Variants in WWOX observed in about 807,000 individuals in gnomAD.
WWOX encodes the protein WW domain containing oxidoreductase.
WWOX carries 69 observed loss-of-function variants against 46.2 expected under a neutral mutation model. The observed-to-expected ratio is 1.49, with a 90% CI of 1.23 to 1.82. WWOX has a LOEUF of 1.82. Ranked by LOEUF, WWOX falls within the 40% of genes most tolerant of loss-of-function variation. The pLI is 0.00. For missense variants in WWOX, 919 were observed against 542.6 expected, an observed-to-expected ratio of 1.69 and a Z score of -6.89; for synonymous variants, 359 against 202.6, an observed-to-expected ratio of 1.77 and a Z score of -6.56.
intron 8 of WWOX, among the ~76,000 whole-genome samples, chr16:78,836,104 T>A (rs2051976085): frequency 6.6e-6 from 1 of 152,200 alleles, no homozygotes; most frequent in South Asian, 2.1e-4. Context: ...TATGCACACA[T>A]GAGAATTTAG....
At chr16:78,669,387 G>A (rs928107100) in intron 8 of WWOX, among the ~76,000 whole-genome samples, 1 of 152,244 alleles carries the variant, frequency 6.6e-6, no homozygotes, top group African/African-American at 2.4e-5. Flanking sequence ...GGATCCAGGG[G>A]CAGCATTGCT....
At chr16:78,642,723 T>A (rs1190676902) in intron 8 of WWOX, among the ~76,000 whole-genome samples, 2 of 152,176 alleles carry the variant, frequency 1.3e-5, no homozygotes, top group Non-Finnish European at 2.9e-5. Flanking sequence ...TTGCTTCTGC[T>A]GAGGCTGTGT....
At chr16:79,136,401 T>A (rs2049982519) in intron 8 of WWOX, among the ~76,000 whole-genome samples, 1 of 152,098 alleles carries the variant, frequency 6.6e-6, no homozygotes, top group African/African-American at 2.4e-5. Flanking sequence ...CAGCTAATTT[T>A]TGTATTTTTA....
At chr16:78,676,657 T>G (rs1381422473) in intron 8 of WWOX, among the ~76,000 whole-genome samples, 1 of 152,190 alleles carries the variant, frequency 6.6e-6, no homozygotes, top group African/African-American at 2.4e-5. Context: ...ATTTGCATAT[T>G]AAACAGCTGA....
rs531462229 is a variant in WWOX, at chr16:78,736,504, C to G, written c.1056+303752C>G. On this transcript the variant is annotated intron_variant, in intron 8 of 8. Transcript: ENST00000566780. ...TGGTGTCTCAAAGTCTCACATGTGA[C>G]AACACACATATCATCAAATTCATGA... 1.9e-4 allele frequency among the ~76,000 whole-genome samples: 29 copies of G among 152,310 alleles called. No homozygotes were observed. In the South Asian group the frequency reaches 6.0e-3, roughly 32 times the overall value.
At chr16:78,402,086 C>G (rs1229116133) in intron 6 of WWOX, among the ~76,000 whole-genome samples, 2 of 152,188 alleles carry the variant, frequency 1.3e-5, no homozygotes, top group African/African-American at 4.8e-5. Flanking sequence ...AATTGCAGAA[C>G]AATTTCATCA....
intron 5 of WWOX, among the ~76,000 whole-genome samples, chr16:78,306,654 C>T (rs1567489279): frequency 1.3e-5 from 2 of 151,770 alleles, no homozygotes; most frequent in Non-Finnish European, 2.9e-5. Flanking sequence ...CCACAATTCC[C>T]ACCCCATGCC....
chr16:78,540,020 T>TCACACACA lies in WWOX; in HGVS notation c.1056+107289_1056+107296dup, dbSNP rs71140810. The stretch of plus-strand genomic sequence containing the variant: ...CTTTCTCTCTCTCTCTCTCTCTCTC[T>TCACACACA]CACACACACACACACACACACACAC... On this transcript the variant is annotated intron_variant, in intron 8 of 8. Transcript: ENST00000566780. 2.8e-3 allele frequency among the ~76,000 whole-genome samples: 370 copies of TCACACACA among 132,908 alleles called. 1 individual carries two copies. The highest frequency in any genetic ancestry group is 7.4e-3 in the East Asian group (34 of 4,620). The allele number at this position is 132,908 out of a possible 152,430, so 87.2% of individuals were successfully genotyped here. A position where few individuals can be genotyped will look rare whatever the true frequency, so the allele number is the denominator to read the frequency against.
intron 8 of WWOX, among the ~76,000 whole-genome samples, chr16:78,698,519 T>G (rs985642820): frequency 1.3e-5 from 2 of 152,240 alleles, no homozygotes; most frequent in Non-Finnish European, 2.9e-5. Flanking sequence ...GCAGTCGTTT[T>G]GAGGAGATCT....
chr16:78,747,334 G>A (rs1186463228), intron 8 of WWOX, among the ~76,000 whole-genome samples: 7 of 151,860 alleles, frequency 4.6e-5, no homozygotes, highest in Non-Finnish European at 1.0e-4. Flanking sequence ...TGAGAGTACA[G>A]GCATCTGCGA....
chr16:78,486,824 G>C (rs147157731), intron 8 of WWOX, among the ~76,000 whole-genome samples: 1 of 152,110 alleles, frequency 6.6e-6, no homozygotes, highest in Non-Finnish European at 1.5e-5. Context: ...CACTCGCCTC[G>C]GCCTCCCAAA....
At chr16:79,131,573 A>G (rs1274705674) in intron 8 of WWOX, among the ~76,000 whole-genome samples, 1 of 152,178 alleles carries the variant, frequency 6.6e-6, no homozygotes, top group African/African-American at 2.4e-5. Context: ...CAACTCTTGA[A>G]TGATGGTGTA....
intron 5 of WWOX, among the ~76,000 whole-genome samples, chr16:78,272,119 A>G (rs532744863): frequency 6.6e-5 from 10 of 152,258 alleles, no homozygotes; most frequent in African/African-American, 2.4e-4. Flanking sequence ...AACAACAACC[A>G]TTTTGTTTTA....
At chr16:78,276,411 C>G (rs898590154) in intron 5 of WWOX, among the ~76,000 whole-genome samples, 2 of 152,198 alleles carry the variant, frequency 1.3e-5, no homozygotes, top group African/African-American at 2.4e-5. Flanking sequence ...GCGACACATA[C>G]AATTTAATCA....
chr16:78,128,629 C>T (rs186010737), intron 4 of WWOX, among the ~76,000 whole-genome samples: 9 of 152,264 alleles, frequency 5.9e-5, no homozygotes, highest in African/African-American at 2.2e-4. Context: ...GAATTGCTGG[C>T]CACATCTTGA....
intron 8 of WWOX, among the ~76,000 whole-genome samples, chr16:78,524,449 C>T (rs1289510480): frequency 6.6e-6 from 1 of 151,798 alleles, no homozygotes; most frequent in Non-Finnish European, 1.5e-5. Context: ...TGAGATGAGT[C>T]TTGCTCTTTT....
chr16:78,135,519 C>G (rs919298272), intron 4 of WWOX, among the ~76,000 whole-genome samples: 6 of 152,118 alleles, frequency 3.9e-5, no homozygotes, highest in Non-Finnish European at 8.8e-5. Context: ...TAGAAGCCAG[C>G]TTTACTGACT....
intron 8 of WWOX, among the ~76,000 whole-genome samples, chr16:78,836,964 G>T (rs922146615): frequency 5.3e-5 from 8 of 152,132 alleles, no homozygotes; most frequent in Admixed American, 2.0e-4. Flanking sequence ...TGCAGCAGAA[G>T]AGAGAAACAG....
chr16:78,629,020 A>G (rs916434573), intron 8 of WWOX, among the ~76,000 whole-genome samples: 2 of 152,180 alleles, frequency 1.3e-5, no homozygotes, highest in African/African-American at 4.8e-5. Flanking sequence ...ACCCGTTCCA[A>G]AAACTGGATT....
Sources: gnomAD v4.1 joint callset for allele counts (sites outside exome capture counted in the v4.1 genomes callset) on GRCh38, gnomAD v4.1.1 for gene constraint, MANE v1.5 for transcripts, NCBI Gene and HGNC (gene_info 2026-07-23, HGNC 2026-07-21) for gene names.